MASP2: variants seen among roughly 807,000 people sequenced by gnomAD.
MASP2 encodes the protein MBL associated serine protease 2.
MASP2 carries 49 observed loss-of-function variants against 57.1 expected under a neutral mutation model. That is an observed-to-expected ratio of 0.86 (90% CI 0.68 to 1.09). The LOEUF (loss-of-function observed/expected upper bound fraction) is 1.09, where lower values mean the gene tolerates loss of function less well. Ranked by LOEUF, MASP2 falls within the 50% of genes least tolerant of loss-of-function variation. The pLI is 0.00. For missense variants in MASP2, 900 were observed against 874.8 expected (o/e 1.03, Z -0.36); for synonymous variants, 379 against 340.8 (o/e 1.11, Z -1.24).
At chr1:11,041,131 A>ATGGATGGAAGGATGTGT (rs1638416604) in intron 6 of MASP2, among the ~76,000 whole-genome samples, 1 of 145,984 alleles carries the variant, frequency 6.9e-6, no homozygotes, top group African/African-American at 2.6e-5. Context: ...GGATGGATGG[A>ATGGATGGAAGGATGTGT]TGGAAGGATG....
chr1:11,043,649 C>T (rs991813670), intron 4 of MASP2, 114 bp from the exon 5 acceptor site: 1 of 721,976 alleles, frequency 1.4e-6, no homozygotes, highest in Non-Finnish European at 2.3e-6. Flanking sequence ...GTGGCTGGGA[C>T]ATCTGCATCC....
chr1:11,033,157 C>T (rs1005812724), intron 8 of MASP2, among the ~76,000 whole-genome samples: 70 of 151,822 alleles, frequency 4.6e-4, no homozygotes, highest in African/African-American at 1.6e-3. Context: ...GGAGAAACCC[C>T]GTCTCTACTA....
rs1643735339 is a variant in MASP2, at chr1:11,026,575, T to C, written c.*310A>G. The C allele has an allele frequency of 4.7e-6, 1 of 213,654 alleles. No homozygotes were observed. Among genetic ancestry groups the C allele is most frequent in the Admixed American group, 5.9e-5 (1 of 17,074 alleles). The allele number at this position is 213,654 out of a possible 1,614,324, so 13.2% of individuals were successfully genotyped here. A position where few individuals can be genotyped will look rare whatever the true frequency, so the allele number is the denominator to read the frequency against. ...AGCATGGACAGGCAGTTTACAGAAATGCCAACAGCCAGTATGAAAAGAGAC... is the reference window on the plus strand; with the variant it reads ...AGCATGGACAGGCAGTTTACAGAAACGCCAACAGCCAGTATGAAAAGAGAC... On this transcript the variant is annotated 3_prime_UTR_variant, in exon 11 of 11. Transcript: ENST00000400897.
intron 4 of MASP2, chr1:11,045,100 C>T: frequency 1.2e-6 from 1 of 832,296 alleles, no homozygotes; most frequent in South Asian, 1.5e-5. Flanking sequence ...AACCAGGTCC[C>T]AAGGAACGAG....
chr1:11,044,867 C>T, intron 4 of MASP2: 2 of 1,568,026 alleles, frequency 1.3e-6, no homozygotes, highest in African/African-American at 1.3e-5. Context: ...CCATCTCAGC[C>T]CAACCCGGAG....
Position 11,042,865 on chromosome 1 carries a change from A to G in MASP2, c.889+10T>C. The G allele has an allele frequency of 6.2e-7, 1 of 1,613,276 alleles. No individual in the cohort carries two copies. The highest frequency in any genetic ancestry group is 1.3e-5 in the African/African-American group (1 of 75,018). ...CGCTTCCAGCCAAGATCTGAGACCC[A>G]CTTGCTCACCTGTGCTCGTGTAGTG... On this transcript the variant is annotated intron_variant, in intron 6 of 10. Transcript: ENST00000400897.
intron 8 of MASP2, among the ~76,000 whole-genome samples, 156 bp downstream of exon 8, chr1:11,034,672 C>T (rs1643875035): frequency 7.0e-6 from 1 of 143,054 alleles, no homozygotes; most frequent in Non-Finnish European, 1.5e-5. Flanking sequence ...GCACTCCAGT[C>T]TGGGCAACAG....
At position 11,042,883 on chromosome 1, in the gene MASP2, G is replaced by A. The variant is rs139962539; in HGVS notation, c.881C>T (p.Thr294Met). ...GAGACCCACTTGCTCACCTGTGCTCGTGTAGTGGATCTTCCAGCCTGTGTG... is the reference window on the plus strand; with the variant it reads ...GAGACCCACTTGCTCACCTGTGCTCATGTAGTGGATCTTCCAGCCTGTGTG... ...GDHTGWKIHY[T>M]STAQPCPYPM... Residue 294 changes from threonine to methionine, a missense_variant, in exon 6 of 11, where the codon ACG (threonine) becomes ATG (methionine). By Grantham distance (81) the Thr-to-Met change is moderately conservative. Transcript: ENST00000400897. 8,946 of 1,613,910 alleles carry A rather than the reference G, an allele frequency of 5.5e-3. 74 individuals carry two copies. The highest frequency in any genetic ancestry group is 0.016 in the South Asian group (1,439 of 91,074).
In MASP2 at chr1:11,030,105, TCTC is replaced by T. The variant is rs1261704499; in HGVS notation, c.1297+68_1297+70del. ...CATTTCTGCCTACCACAGCTAAAGC[TCTC>T]CTCACTGTCTCCTACCCAGTCCTCC... On this transcript the variant is annotated intron_variant, in intron 10 of 10. Coordinates refer to ENST00000400897, the MANE Select transcript of MASP2 (RefSeq NM_006610.4). The T allele has an allele frequency of 8.2e-6, 9 of 1,102,072 alleles. No individual in the cohort carries two copies. The Admixed American group carries it at 1.6e-4, about 20-fold the overall frequency. The allele number at this position is 1,102,072 out of a possible 1,614,324, so 68.3% of individuals were successfully genotyped here. A position where few individuals can be genotyped will look rare whatever the true frequency, so the allele number is the denominator to read the frequency against.
chr1:11,045,840 C>T (rs1638622422), intron 3 of MASP2: 2 of 447,166 alleles, frequency 4.5e-6, no homozygotes, highest in South Asian at 3.3e-5. Context: ...GGGGCTACAG[C>T]GCTGAACCCT....
rs556907645 is a variant in MASP2, at chr1:11,034,737, C to T, written c.1087+91G>A. 4.0e-6 allele frequency: 3 copies of T among 754,336 alleles called. No homozygotes were observed. The East Asian group carries it at 9.3e-5, about 23-fold the overall frequency. 46.7% of individuals were successfully genotyped at this position (754,336 alleles called of 1,614,324 possible). On this transcript the variant is annotated intron_variant, in intron 8 of 10. Coordinates refer to ENST00000400897, the MANE Select transcript of MASP2 (RefSeq NM_006610.4). ...AAAGGGAAAGAAAAAAGAAAGTAAA[C>T]AGAAAACCAGAGAAGCAATAGAAGC...
intron 8 of MASP2, among the ~76,000 whole-genome samples, chr1:11,033,954 C>T (rs1471417812): frequency 2.0e-5 from 1 of 49,246 alleles, no homozygotes; most frequent in Non-Finnish European, 3.9e-5. Context: ...CACACACACA[C>T]ACACACACAC....
Position 11,034,751 on chromosome 1 carries a change from A to C in MASP2, c.1087+77T>G, listed in dbSNP as rs1643875611. The C allele has an allele frequency of 2.6e-5, 24 of 930,772 alleles. No homozygotes were observed. The South Asian group carries it at 4.1e-4, about 16-fold the overall frequency. 57.7% of individuals were successfully genotyped at this position (930,772 alleles called of 1,614,324 possible). On this transcript the variant is annotated intron_variant, in intron 8 of 10. Coordinates refer to ENST00000400897, the MANE Select transcript of MASP2 (RefSeq NM_006610.4). ...AAGAAAGTAAACAGAAAACCAGAGA[A>C]GCAATAGAAGCAGCAACAGTAGCAG...
intron 2 of MASP2, 53 bp from the exon 3 acceptor site, chr1:11,046,786 C>T (rs1638654738): frequency 1.3e-6 from 2 of 1,578,780 alleles, no homozygotes; most frequent in South Asian, 1.1e-5. Flanking sequence ...CCTGATCTCC[C>T]TCCTGGCCAA....
At chr1:11,030,672 G>A (rs1643828444) in intron 9 of MASP2, 76 bp downstream of exon 9, 1 of 1,474,690 alleles carries the variant, frequency 6.8e-7, no homozygotes, top group South Asian at 1.4e-5. Flanking sequence ...AAAAATGTTG[G>A]TTAAAGTTTA....
intron 7 of MASP2, among the ~76,000 whole-genome samples, chr1:11,036,365 G>A (rs12732536): frequency 0.64 from 94,523 of 148,612 alleles, 33,694 homozygotes; most frequent in Non-Finnish European, 0.8. Flanking sequence ...TTAGCCGGGC[G>A]CGGTGGCGGG....
At position 11,042,906 on chromosome 1, in the gene MASP2, G is replaced by A. The variant is rs1038260239; in HGVS notation, c.858C>T (p.His286=). The A allele has an allele frequency of 6.2e-7, 1 of 1,613,998 alleles. No homozygotes were observed. The highest frequency in any genetic ancestry group is 1.1e-5 in the South Asian group (1 of 91,088). The change falls in exon 6 of 11, where the codon CAC becomes CAT. Residue 286 remains histidine (H), a synonymous_variant. Coordinates refer to ENST00000400897, the MANE Select transcript of MASP2 (RefSeq NM_006610.4). ...TCGTGTAGTGGATCTTCCAGCCTGT[G>A]TGGTCTCCTGATTCATCTGTGACAA... is the stretch of plus-strand genomic sequence containing the variant. ...ITFVTDESGD[H]TGWKIHYTST...
intron 7 of MASP2, among the ~76,000 whole-genome samples, chr1:11,035,528 AATC>A (rs113627607): frequency 2.2e-4 from 33 of 147,638 alleles, no homozygotes; most frequent in Middle Eastern, 7.0e-3. Context: ...CCCTGTCTCA[AATC>A]ATCATCATCA....
At chr1:11,044,728 G>C in intron 4 of MASP2, 1 of 1,360,800 alleles carries the variant, frequency 7.3e-7, no homozygotes, top group Non-Finnish European at 9.8e-7. Context: ...AGGCTGTGAG[G>C]AGGGTAGGCA....
Sources: gnomAD v4.1 joint callset for allele counts (sites outside exome capture counted in the v4.1 genomes callset) on GRCh38, gnomAD v4.1.1 for gene constraint, MANE v1.5 for transcripts, NCBI Gene and HGNC (gene_info 2026-07-23, HGNC 2026-07-21) for gene names.